TJP3: variants seen among roughly 807,000 people sequenced by gnomAD.
TJP3 encodes the protein tight junction protein ZO-3.
In TJP3, 85 loss-of-function variants were observed where a neutral mutation model predicts 104.2. The ratio of observed to expected loss-of-function variants is 0.82; its 90% CI spans 0.68 to 0.98. The LOEUF is 0.98. Among genes scored for constraint, TJP3 ranks in the 50% least tolerant of loss-of-function variants. The pLI, the probability that TJP3 is intolerant of heterozygous loss-of-function variation, is 0.00. For missense variants in TJP3, 1,367 were observed against 1,322.8 expected, an observed-to-expected ratio of 1.03 and a Z score of -0.52; for synonymous variants, 550 against 550.6, an observed-to-expected ratio of 1.00 and a Z score of 0.02.
chr19:3,739,461 G>A (rs2036783636), intron 13 of TJP3, among the ~76,000 whole-genome samples: 1 of 152,190 alleles, frequency 6.6e-6, no homozygotes, highest in Non-Finnish European at 1.5e-5. Flanking sequence ...CTGCACTCCA[G>A]CCTGGCAACA....
At chr19:3,749,183 A>T (rs560997652) in intron 19 of TJP3, among the ~76,000 whole-genome samples, 22 of 152,108 alleles carry the variant, frequency 1.4e-4, no homozygotes, top group African/African-American at 5.3e-4. Context: ...CCAACATTTT[A>T]ACCTCTCTGT....
intron 6 of TJP3, among the ~76,000 whole-genome samples, chr19:3,732,822 T>C (rs967581600): frequency 1.3e-5 from 2 of 152,068 alleles, no homozygotes; most frequent in African/African-American, 4.8e-5. Flanking sequence ...TTTTTGTATT[T>C]TTAGTAGAGA....
intron 19 of TJP3, among the ~76,000 whole-genome samples, chr19:3,749,122 CCT>C (rs1169152191): frequency 6.6e-6 from 1 of 151,684 alleles, no homozygotes; most frequent in Admixed American, 6.6e-5. Flanking sequence ...TCCACGTCGG[CCT>C]CTCAGAGTGT....
chr19:3,742,100 C>T (rs12463062), intron 14 of TJP3, among the ~76,000 whole-genome samples: 30,094 of 151,924 alleles, frequency 0.2, 3,287 homozygotes, highest in South Asian at 0.28. Flanking sequence ...GATAGCCTTA[C>T]AAAAGGAAAA....
At chr19:3,736,934 C>A (rs371840967) in intron 11 of TJP3, among the ~76,000 whole-genome samples, 1 of 144,744 alleles carries the variant, frequency 6.9e-6, no homozygotes, top group African/African-American at 2.6e-5. Context: ...GGCTGGAGTG[C>A]GGGGGTGTGA....
Position 3,730,103 on chromosome 19 carries a change from C to G in TJP3, c.234C>G (p.Leu78=), listed in dbSNP as rs147875903. The change falls in exon 4 of 21, where the codon CTC becomes CTG. Residue 78 remains leucine, a synonymous_variant. Transcript: ENST00000541714. This position sits in a 1 kb window ranked among gnomAD's most constrained non-coding sequence, Gnocchi z 7.3. ...NATSAFAIQI[L]KTCTKMANIT... ...CCTCCGCGTTTGCCATTCAGATACTCAAGACCTGCACCAAGATGGCCAACA... is the reference window on the plus strand; with the variant it reads ...CCTCCGCGTTTGCCATTCAGATACTGAAGACCTGCACCAAGATGGCCAACA... 18 of 1,614,028 alleles carry G rather than the reference C, an allele frequency of 1.1e-5. No homozygotes were observed. In the African/African-American group the frequency reaches 2.4e-4, roughly 22 times the overall value.
At chr19:3,750,015 C>A (rs962590246) in intron 19 of TJP3, 123 bp from the exon 20 acceptor site, 5 of 1,229,820 alleles carry the variant, frequency 4.1e-6, no homozygotes, top group Non-Finnish European at 5.9e-6. Context: ...AGACTTGTCA[C>A]GGGGTTAGCA....
At chr19:3,733,635 T>G in intron 6 of TJP3, 118 bp from the exon 7 acceptor site, 1 of 1,411,010 alleles carries the variant, frequency 7.1e-7, no homozygotes, top group Non-Finnish European at 9.8e-7. Flanking sequence ...AGGGAGTGGC[T>G]GTTTTTAGCA....
rs140801428 is a variant in TJP3 at position 3,730,083 on chromosome 19, G to A, written c.214G>A (p.Ala72Thr). 211 of 1,613,970 alleles carry A rather than the reference G, an allele frequency of 1.3e-4. No individual in the cohort carries two copies. Among genetic ancestry groups the A allele is most frequent in the Non-Finnish European group, 1.6e-4 (186 of 1,180,026 alleles). ...NGVSMENATS[A>T]FAIQILKTCT... Reference sequence around the variant, plus strand: ...GGTTTCCATGGAGAATGCCACCTCCGCGTTTGCCATTCAGATACTCAAGAC... The same window carrying A: ...GGTTTCCATGGAGAATGCCACCTCCACGTTTGCCATTCAGATACTCAAGAC... Residue 72 changes from alanine to threonine, a missense_variant, in exon 4 of 21, where the codon GCG becomes ACG. Ala to Thr is a moderately conservative substitution (Grantham distance 58, BLOSUM62 0). Transcript: ENST00000541714. This position sits in a 1 kb window ranked among gnomAD's most constrained non-coding sequence, Gnocchi z 7.3.
intron 1 of TJP3, among the ~76,000 whole-genome samples, chr19:3,716,964 G>A (rs559798989): frequency 1.8e-5 from 2 of 111,096 alleles, no homozygotes; most frequent in Admixed American, 2.2e-4. Context: ...ACGCCCAGGT[G>A]ACTTTTTTTT....
Position 3,730,021 on chromosome 19 carries a change from C to T in TJP3, c.159-7C>T. The T allele has an allele frequency of 1.2e-6, 2 of 1,613,218 alleles. No homozygotes were observed. The highest frequency in any genetic ancestry group is 1.7e-6 in the Non-Finnish European group (2 of 1,179,262). On this transcript the variant is annotated splice_region_variant and splice_polypyrimidine_tract_variant and intron_variant, in intron 3 of 20. Transcript: ENST00000541714. The surrounding 1 kb of genome is among the most constrained non-coding windows in gnomAD (Gnocchi z 7.3). ...CCTCCTCCGTAAGACCCGCCCTCCT[C>T]TCTCAGGACAGGCGACCACATCGTC...
intron 1 of TJP3, among the ~76,000 whole-genome samples, chr19:3,723,130 C>T (rs2036560780): frequency 2.0e-5 from 3 of 152,210 alleles, no homozygotes; most frequent in African/African-American, 7.2e-5. Flanking sequence ...CCTAAGGGGG[C>T]CTGGTCCTAT....
rs756791623 is a variant in TJP3, at chr19:3,728,753, C to T, written c.158+40C>T. 1.6e-5 allele frequency: 25 copies of T among 1,600,202 alleles called. No homozygotes were observed. In the East Asian group the frequency reaches 3.1e-4, roughly 20 times the overall value. On this transcript the variant is annotated intron_variant, in intron 3 of 20. Coordinates refer to ENST00000541714, the MANE Select transcript of TJP3 (RefSeq NM_001267560.2). ...AGCTGGGTTCTGGCGGGGGAGGGCA[C>T]GTGGAGAGGAGAAACCAGGCCAGGC...
intron 1 of TJP3, among the ~76,000 whole-genome samples, chr19:3,715,331 C>T (rs1265523324): frequency 2.0e-5 from 3 of 152,046 alleles, no homozygotes; most frequent in Admixed American, 6.6e-5. Context: ...CCTCGTGATC[C>T]GCCCGCCTCG....
intron 1 of TJP3, among the ~76,000 whole-genome samples, chr19:3,717,979 G>A (rs2036497484): frequency 6.6e-6 from 1 of 150,936 alleles, no homozygotes; most frequent in Non-Finnish European, 1.5e-5. Flanking sequence ...ACTTAGGGAG[G>A]CCGAGGGGGG....
chr19:3,728,270 A>G (rs2036622417), intron 1 of TJP3, 154 bp from the exon 2 acceptor site: 2 of 1,245,774 alleles, frequency 1.6e-6, no homozygotes, highest in East Asian at 5.1e-5. Flanking sequence ...AAAACAAACA[A>G]AAAAACCTGA....
chr19:3,712,821 C>A (rs1471330675), intron 1 of TJP3, among the ~76,000 whole-genome samples: 1 of 151,874 alleles, frequency 6.6e-6, no homozygotes, highest in African/African-American at 2.4e-5. Context: ...GGGTGGCGTG[C>A]ACCTGTGGCC....
intron 1 of TJP3, among the ~76,000 whole-genome samples, chr19:3,715,931 A>G (rs983942106): frequency 4.0e-5 from 6 of 151,610 alleles, no homozygotes; most frequent in African/African-American, 1.5e-4. Flanking sequence ...GGCACCCACC[A>G]CCACACTCGG....
At position 3,747,949 on chromosome 19, in the gene TJP3, G is replaced by C. The variant is rs551071457; in HGVS notation, c.2478G>C (p.Glu826Asp). ...YTDGEGYTDGEGGPYTDVDDE... is the reference protein window; with the variant it reads ...YTDGEGYTDGDGGPYTDVDDE... ...ATGGCGAGGGCTACACAGACGGCGA[G>C]GGGGGGCCCTACACGGATGTGGATG... Residue 826 changes from glutamate to aspartate, a missense_variant, in exon 19 of 21, where the codon GAG (glutamate) becomes GAC (aspartate). Coordinates refer to ENST00000541714, the MANE Select transcript of TJP3 (RefSeq NM_001267560.2). 52 of 1,612,762 alleles carry C rather than the reference G, an allele frequency of 3.2e-5. No individual in the cohort carries two copies. The South Asian group carries it at 4.8e-4, about 15-fold the overall frequency.
Sources: allele counts gnomAD v4.1 joint callset (sites outside exome capture counted in the v4.1 genomes callset), GRCh38; gene constraint gnomAD v4.1.1; non-coding constraint Gnocchi (gnomAD v3.1); transcripts MANE v1.5; gene names NCBI Gene and HGNC (gene_info 2026-07-23, HGNC 2026-07-21).